GSE1: variants seen among roughly 807,000 people sequenced by gnomAD.
The protein encoded by GSE1 is genetic suppressor element 1.
In GSE1, 32 loss-of-function variants were observed where a neutral mutation model predicts 112.6. That is an observed-to-expected ratio of 0.28 (90% CI 0.21 to 0.38). GSE1 has a LOEUF of 0.38. Ranked by LOEUF, GSE1 falls within the 10% of genes least tolerant of loss-of-function variation. GSE1 has a pLI of 1.00. For missense variants in GSE1, 2,348 were observed against 1,699.2 expected, an observed-to-expected ratio of 1.38 and a Z score of -6.71; for synonymous variants, 1,115 against 735.6, an observed-to-expected ratio of 1.52 and a Z score of -8.35.
chr16:85,326,319 A>G (rs946516213), intron 1 of GSE1, among the ~76,000 whole-genome samples: 1 of 152,200 alleles, frequency 6.6e-6, no homozygotes, highest in Admixed American at 6.5e-5. Context: ...GTTAATTAAC[A>G]TGTCTGTGCC....
At chr16:85,191,555 T>C (rs1026161674) in intron 1 of GSE1, among the ~76,000 whole-genome samples, 1 of 152,210 alleles carries the variant, frequency 6.6e-6, no homozygotes, top group African/African-American at 2.4e-5. Context: ...CAGAGACAGC[T>C]GATCTTTCCT....
At chr16:85,169,967 C>T in exon 1 of GSE1, 1 of 984,588 alleles carries the variant, frequency 1.0e-6, no homozygotes, top group Non-Finnish European at 1.2e-6. Context: ...GGCAGCGCCA[C>T]CGGCGACGAC....
At chr16:85,584,443 G>A (rs1350677418) in intron 1 of GSE1, among the ~76,000 whole-genome samples, 1 of 152,218 alleles carries the variant, frequency 6.6e-6, no homozygotes. Flanking sequence ...GTTTGTTTCA[G>A]TAATTTACAC....
rs557236272 is a variant in GSE1 at position 85,632,782 on chromosome 16, C to G, written c.8-1132C>G. On this transcript the variant is annotated intron_variant, in intron 1 of 15. Transcript: ENST00000253458. Reference sequence around the variant, plus strand: ...ACCATGTGTGGCCCCAGCGCCCCCCCGCCCCAAGATGCATCCACAGGGAGG... The same window carrying G: ...ACCATGTGTGGCCCCAGCGCCCCCCGGCCCCAAGATGCATCCACAGGGAGG... Among the ~76,000 whole-genome samples the G allele has an allele frequency of 7.1e-3, 1,082 of 152,324 alleles. 15 individuals carry two copies. The highest frequency in any genetic ancestry group is 0.025 in the African/African-American group (1,046 of 41,554).
chr16:85,225,274 T>C (rs34315362), intron 1 of GSE1, among the ~76,000 whole-genome samples: 80,360 of 152,050 alleles, frequency 0.53, 21,468 homozygotes, highest in African/African-American at 0.58. Flanking sequence ...CCCCATAGAT[T>C]CTGTGGTTGG....
At chr16:85,215,527 A>T (rs1163494345) in intron 1 of GSE1, among the ~76,000 whole-genome samples, 2 of 152,210 alleles carry the variant, frequency 1.3e-5, no homozygotes, top group African/African-American at 2.4e-5. Flanking sequence ...GCAACAAAAA[A>T]CCATGTGTAT....
intron 2 of GSE1, among the ~76,000 whole-genome samples, chr16:85,526,767 C>T (rs1008808336): frequency 3.3e-5 from 5 of 152,176 alleles, no homozygotes; most frequent in East Asian, 1.9e-4. Flanking sequence ...TAAAGACGTC[C>T]GCTCGCTCTC....
intron 2 of GSE1, among the ~76,000 whole-genome samples, chr16:85,641,774 A>G (rs1275214254): frequency 1.3e-5 from 2 of 152,232 alleles, no homozygotes; most frequent in Admixed American, 1.3e-4. Flanking sequence ...ATTTCAAGGA[A>G]AGTGGCTGGG....
chr16:85,451,267 C>T (rs1020648551), intron 2 of GSE1, among the ~76,000 whole-genome samples: 1 of 152,188 alleles, frequency 6.6e-6, no homozygotes, highest in Admixed American at 6.5e-5. Context: ...CATTCCCCAC[C>T]TCCAGCCCCT....
chr16:85,634,959 G>T, intron 2 of GSE1, among the ~76,000 whole-genome samples: 1 of 152,034 alleles, frequency 6.6e-6, no homozygotes, highest in East Asian at 1.9e-4. Flanking sequence ...AGGCGGGGGG[G>T]CTGAGGAAAC....
At chr16:85,310,051 A>G (rs2045793276) in intron 1 of GSE1, among the ~76,000 whole-genome samples, 1 of 150,830 alleles carries the variant, frequency 6.6e-6, no homozygotes, top group Non-Finnish European at 1.5e-5. Flanking sequence ...GCCCGAGCCC[A>G]GGCATAAGCC....
intron 2 of GSE1, among the ~76,000 whole-genome samples, chr16:85,486,405 G>C (rs1488653837): frequency 6.6e-6 from 1 of 152,192 alleles, no homozygotes; most frequent in African/African-American, 2.4e-5. Context: ...CCCCGGCGTT[G>C]CCCAGGGCCG....
At chr16:85,339,856 C>T (rs1018000218) in intron 1 of GSE1, among the ~76,000 whole-genome samples, 3 of 152,134 alleles carry the variant, frequency 2.0e-5, no homozygotes, top group Non-Finnish European at 4.4e-5. Context: ...CTTCTTTTAA[C>T]CTGAAATGTC....
At chr16:85,337,322 T>C (rs376451783) in intron 1 of GSE1, among the ~76,000 whole-genome samples, 2,737 of 149,684 alleles carry the variant, frequency 0.018, 47 homozygotes, top group Middle Eastern at 0.079. Flanking sequence ...TTTTTTTTTT[T>C]TGAGACGGAG....
chr16:85,403,438 CTTGG>C (rs997637471), intron 2 of GSE1, among the ~76,000 whole-genome samples: 3 of 152,082 alleles, frequency 2.0e-5, no homozygotes, highest in African/African-American at 7.2e-5. Flanking sequence ...ATGAGGGTCT[CTTGG>C]TTGGTTAAGT....
In GSE1 at chr16:85,236,866, C is replaced by T. The variant is rs780543555; in HGVS notation, c.2283+65059C>T. On this transcript the variant is annotated intron_variant, in intron 1 of 2. Coordinates refer to the GSE1 transcript ENST00000637419. ...CTTGGGACCTCTGCCTGGCTCCCCC[C>T]GACCATCCCTTCCTTAGACCTCACA... Among the ~76,000 whole-genome samples, 7 of 152,178 alleles carry T rather than the reference C, an allele frequency of 4.6e-5. No individual in the cohort carries two copies. The East Asian group carries it at 7.7e-4, about 17-fold the overall frequency.
chr16:85,556,116 A>T, exon 1 of GSE1: 2 of 959,734 alleles, frequency 2.1e-6, no homozygotes, highest in Non-Finnish European at 2.5e-6. Flanking sequence ...CTGGTCGGAG[A>T]GAGAGCCTTT....
chr16:85,613,404 C>A lies in GSE1; in HGVS notation c.7+6C>A, dbSNP rs2048129232. ...GCGGGGCCCTGGCATGAAAGGTGAG[C>A]GCGCCGCACCCGGCCGGGGACGGGG... On this transcript the variant is annotated splice_donor_region_variant and intron_variant, in intron 1 of 15. Coordinates refer to ENST00000253458, the MANE Select transcript of GSE1 (RefSeq NM_014615.5). 2 of 1,558,916 alleles carry A rather than the reference C, an allele frequency of 1.3e-6. No homozygotes were observed. Among genetic ancestry groups the A allele is most frequent in the Non-Finnish European group, 1.7e-6 (2 of 1,152,718 alleles).
At chr16:85,234,987 G>T (rs1904445195) in intron 1 of GSE1, among the ~76,000 whole-genome samples, 1 of 152,110 alleles carries the variant, frequency 6.6e-6, no homozygotes, top group Non-Finnish European at 1.5e-5. Context: ...AGGCCAATCT[G>T]GGCCCTGATC....
Sources: allele counts gnomAD v4.1 joint callset (sites outside exome capture counted in the v4.1 genomes callset), GRCh38; gene constraint gnomAD v4.1.1; transcripts MANE v1.5; gene names NCBI Gene and HGNC (gene_info 2026-07-23, HGNC 2026-07-21).